Variants in CPEB2 observed in about 807,000 individuals in gnomAD.
The protein encoded by CPEB2 is cytoplasmic polyadenylation element binding protein 2, also known as cytoplasmic polyadenylation element-binding protein 2.
In CPEB2, 56 loss-of-function variants were observed where a neutral mutation model predicts 93.6. The ratio of observed to expected loss-of-function variants is 0.60; its 90% CI spans 0.48 to 0.75. The LOEUF (loss-of-function observed/expected upper bound fraction) is 0.75, where lower values mean the gene tolerates loss of function less well. CPEB2 is among the 30% of genes least tolerant of loss of function. The probability of loss-of-function intolerance (pLI) is 0.00; values close to 1 mark genes in which losing one functional copy is unlikely to be tolerated. For synonymous variants in CPEB2, 764 were observed against 586.3 expected, an observed-to-expected ratio of 1.30 and a Z score of -4.38; for missense variants, 1,579 against 1,395.1, an observed-to-expected ratio of 1.13 and a Z score of -2.10.
At chr4:15,033,762 A>G (rs1726348878) in intron 5 of CPEB2, among the ~76,000 whole-genome samples, 1 of 152,248 alleles carries the variant, frequency 6.6e-6, no homozygotes, top group Admixed American at 6.5e-5. Context: ...TCTGTTAGAC[A>G]AACATTAACA....
intron 4 of CPEB2, among the ~76,000 whole-genome samples, chr4:15,021,710 A>G (rs1724838570): frequency 6.6e-6 from 1 of 152,176 alleles, no homozygotes; most frequent in Non-Finnish European, 1.5e-5. Context: ...GTTAAAGGGA[A>G]TTAAGGAAAA....
chr4:15,060,753 T>C (rs1729119720), intron 10 of CPEB2, among the ~76,000 whole-genome samples: 1 of 152,154 alleles, frequency 6.6e-6, no homozygotes, highest in South Asian at 2.1e-4. Flanking sequence ...GTATCTGGTG[T>C]ATTTTTTAAG....
chr4:15,011,140 A>G (rs2643089), intron 3 of CPEB2, among the ~76,000 whole-genome samples: 104,816 of 143,700 alleles, frequency 0.73, 38,915 homozygotes, highest in East Asian at 0.97. Flanking sequence ...TCACTCTGTC[A>G]CTCAGGCTGA....
intron 5 of CPEB2, among the ~76,000 whole-genome samples, chr4:15,036,897 G>A (rs1247084846): frequency 6.6e-6 from 1 of 152,168 alleles, no homozygotes; most frequent in African/African-American, 2.4e-5. Flanking sequence ...GCTCTAACTT[G>A]TATCTATTCA....
intron 8 of CPEB2, among the ~76,000 whole-genome samples, chr4:15,054,898 T>C (rs2109086915): frequency 6.6e-6 from 1 of 152,248 alleles, no homozygotes; most frequent in East Asian, 1.9e-4. Context: ...GAGGGGAGGT[T>C]CAAAGATTAA....
Position 15,003,880 on chromosome 4 carries a change from C to A in CPEB2, c.1207C>A (p.Gln403Lys). The A allele has an allele frequency of 1.2e-6, 1 of 866,878 alleles. No homozygotes were observed. Among genetic ancestry groups the A allele is most frequent in the South Asian group, 3.8e-5 (1 of 26,466 alleles). The allele number at this position is 866,878 out of a possible 1,614,324, so 53.7% of individuals were successfully genotyped here. Reference sequence around the variant, plus strand: ...CCAGCAGCCGCCGCCGACCCAGCCGCAGCAGCAGCCGCCGCCACCCCAGCA... The same window carrying A: ...CCAGCAGCCGCCGCCGACCCAGCCGAAGCAGCAGCCGCCGCCACCCCAGCA... ...QPQQPPPTQPQQQPPPPQQPP... is the reference protein window; with the variant it reads ...QPQQPPPTQPKQQPPPPQQPP... Residue 403 changes from glutamine (Q) to lysine (K), a missense_variant, in exon 1 of 12, where the codon CAG becomes AAG. By Grantham distance (53) the Gln-to-Lys change is moderately conservative. Coordinates refer to ENST00000538197, the MANE Select transcript of CPEB2 (RefSeq NM_001177382.2).
intron 4 of CPEB2, among the ~76,000 whole-genome samples, chr4:15,025,628 A>G (rs1398467996): frequency 1.3e-5 from 2 of 151,792 alleles, no homozygotes; most frequent in Non-Finnish European, 2.9e-5. Context: ...CCTAGCTGCT[A>G]GACTTCTTAG....
intron 3 of CPEB2, among the ~76,000 whole-genome samples, chr4:15,016,452 A>T (rs1248857108): frequency 6.6e-6 from 1 of 152,048 alleles, no homozygotes; most frequent in Admixed American, 6.6e-5. Flanking sequence ...GAAGATTCTG[A>T]TAACAAGACT....
rs972471637 is a variant in CPEB2, at chr4:15,003,720, C to A, written c.1047C>A (p.His349Gln). ...FSSLQSPDLP[H>Q]PGGGGGGGGG... is the part of the protein sequence containing the mutation. ...GCCTGCAGAGCCCGGACCTTCCACA[C>A]CCGGGCGGCGGCGGCGGCGGCGGGG... The change falls in exon 1 of 12, where the codon CAC becomes CAA. Residue 349 changes from histidine to glutamine, a missense_variant. His to Gln is a conservative substitution (Grantham distance 24). Coordinates refer to ENST00000538197, the MANE Select transcript of CPEB2 (RefSeq NM_001177382.2). The A allele has an allele frequency of 2.3e-6, 3 of 1,318,744 alleles. No homozygotes were observed. Among genetic ancestry groups the A allele is most frequent in the Non-Finnish European group, 2.9e-6 (3 of 1,039,062 alleles). 81.7% of individuals were successfully genotyped at this position (1,318,744 alleles called of 1,614,324 possible). A position where few individuals can be genotyped will look rare whatever the true frequency, so the allele number is the denominator to read the frequency against.
chr4:15,049,461 A>G (rs1267970218), intron 6 of CPEB2, among the ~76,000 whole-genome samples: 1 of 152,068 alleles, frequency 6.6e-6, no homozygotes, highest in Non-Finnish European at 1.5e-5. Context: ...TTTTCCTTAA[A>G]ATCGTTTGTA....
chr4:15,054,306 A>AT, intron 8 of CPEB2, 89 bp downstream of exon 8: 2 of 862,770 alleles, frequency 2.3e-6, no homozygotes, highest in Non-Finnish European at 3.8e-6. Flanking sequence ...GTTAGGAATC[A>AT]TAAGAGACTT....
At chr4:15,047,513 G>A (rs1004209432) in intron 6 of CPEB2, among the ~76,000 whole-genome samples, 2 of 151,998 alleles carry the variant, frequency 1.3e-5, no homozygotes, top group Non-Finnish European at 2.9e-5. Context: ...GGTGGGTTTG[G>A]ATGAGGTATG....
Position 15,003,670 on chromosome 4 carries a change from G to C in CPEB2, c.997G>C (p.Ala333Pro). Residue 333 changes from alanine (A) to proline (P), a missense_variant, in exon 1 of 12, where the codon GCG (alanine) becomes CCG (proline). Physicochemically the swap from Ala to Pro is conservative, Grantham distance 27. Transcript: ENST00000538197. ...TCCCAGTAACCTCCTGCCCGGAGGT[G>C]CGCTTGGCGCGGGCGCCTTCAGCAG... The part of the protein sequence containing the change: ...NSPSNLLPGG[A>P]LGAGAFSSLQ... 1.4e-6 allele frequency: 2 copies of C among 1,466,590 alleles called. No individual in the cohort carries two copies. Among genetic ancestry groups the C allele is most frequent in the African/African-American group, 2.9e-5 (2 of 68,306 alleles). The allele number at this position is 1,466,590 out of a possible 1,614,324, so 90.8% of individuals were successfully genotyped here.
intron 4 of CPEB2, among the ~76,000 whole-genome samples, chr4:15,029,101 G>A (rs987068985): frequency 3.3e-5 from 5 of 151,906 alleles, no homozygotes; most frequent in African/African-American, 1.2e-4. Context: ...ATCTTGTTGT[G>A]TACTTTAAAT....
chr4:15,064,972 A>G (rs1452019134), intron 11 of CPEB2, among the ~76,000 whole-genome samples: 1 of 152,132 alleles, frequency 6.6e-6, no homozygotes, highest in Non-Finnish European at 1.5e-5. Context: ...CAGCAAGAAA[A>G]TATGCAAAAG....
chr4:15,030,126 A>G (rs551803969), intron 4 of CPEB2, among the ~76,000 whole-genome samples: 2 of 152,204 alleles, frequency 1.3e-5, no homozygotes, highest in Non-Finnish European at 2.9e-5. Flanking sequence ...TCTTTTAAAC[A>G]ATAAGGAGAA....
Position 15,003,701 on chromosome 4 carries a change from A to G in CPEB2, c.1028A>G (p.Gln343Arg), listed in dbSNP as rs1722336581. Residue 343 changes from glutamine to arginine, a missense_variant, in exon 1 of 12, where the codon CAG becomes CGG. Transcript: ENST00000538197. ...GGCGCGGGCGCCTTCAGCAGCCTGC[A>G]GAGCCCGGACCTTCCACACCCGGGC... Reference protein sequence around the residue: ...ALGAGAFSSLQSPDLPHPGGG... With the variant: ...ALGAGAFSSLRSPDLPHPGGG... 3.5e-6 allele frequency: 5 copies of G among 1,446,868 alleles called. No individual in the cohort carries two copies. The highest frequency in any genetic ancestry group is 2.7e-6 in the Non-Finnish European group (3 of 1,100,728). The allele number at this position is 1,446,868 out of a possible 1,614,324, so 89.6% of individuals were successfully genotyped here.
rs2108937990 is a variant in CPEB2 at position 15,004,176 on chromosome 4, G to A, written c.1503G>A (p.Pro501=). Residue 501 remains proline (P), a synonymous_variant, in exon 1 of 12, where the codon CCG becomes CCA. Transcript: ENST00000538197. ...CGGCTACCGCTGTGCCCCCTCCGCCGCCGCCCGCCATGAATATACCTCAAC... is the reference window on the plus strand; with the variant it reads ...CGGCTACCGCTGTGCCCCCTCCGCCACCGCCCGCCATGAATATACCTCAAC... ...PFSATAVPPP[P]PPAMNIPQQQ... The A allele has an allele frequency of 2.6e-6, 3 of 1,155,560 alleles. No homozygotes were observed. Among genetic ancestry groups the A allele is most frequent in the South Asian group, 1.5e-5 (1 of 67,094 alleles). 71.6% of individuals were successfully genotyped at this position (1,155,560 alleles called of 1,614,324 possible).
chr4:15,035,992 T>C (rs2032688582), intron 5 of CPEB2, among the ~76,000 whole-genome samples: 1 of 152,194 alleles, frequency 6.6e-6, no homozygotes, highest in African/African-American at 2.4e-5. Flanking sequence ...CCTGTAAAGA[T>C]TTTATGATTC....
Sources: allele counts gnomAD v4.1 joint callset (sites outside exome capture counted in the v4.1 genomes callset), GRCh38; gene constraint gnomAD v4.1.1; transcripts MANE v1.5; gene names NCBI Gene and HGNC (gene_info 2026-07-23, HGNC 2026-07-21).